The following SLIT1 variants were observed in gnomAD, a reference collection of about 807,000 sequenced individuals.
The protein encoded by SLIT1 is slit homolog 1 protein.
SLIT1 carries 66 observed loss-of-function variants against 186.1 expected under a neutral mutation model. The ratio of observed to expected loss-of-function variants is 0.35; its 90% confidence interval spans 0.29 to 0.44. SLIT1 has a LOEUF of 0.44. Among genes scored for constraint, SLIT1 ranks in the 20% least tolerant of loss-of-function variants. SLIT1 has a pLI of 1.00. For synonymous variants in SLIT1, 761 were observed against 833.8 expected, an observed-to-expected ratio of 0.91 and a Z score of 1.50; for missense variants, 1,638 against 2,037.4, an observed-to-expected ratio of 0.80 and a Z score of 3.77.
intron 1 of SLIT1, among the ~76,000 whole-genome samples, chr10:97,165,653 G>C (rs917521014): frequency 3.3e-5 from 5 of 152,152 alleles, no homozygotes; most frequent in Admixed American, 2.0e-4. Context: ...AGGCCGGAGA[G>C]AGCAAGCAGA....
At chr10:97,124,739 C>G (rs1849589589) in intron 4 of SLIT1, among the ~76,000 whole-genome samples, 1 of 152,170 alleles carries the variant, frequency 6.6e-6, no homozygotes, top group Non-Finnish European at 1.5e-5. Context: ...CCTAGTCCAG[C>G]CCTTGGACAG....
At chr10:97,072,858 TC>T (rs1012442785) in intron 4 of SLIT1, among the ~76,000 whole-genome samples, 13 of 152,282 alleles carry the variant, frequency 8.5e-5, no homozygotes, top group Middle Eastern at 3.4e-3. Context: ...GCTTCAGGTG[TC>T]CTATTTGTAA....
intron 4 of SLIT1, among the ~76,000 whole-genome samples, chr10:97,084,924 CTTTTT>C (rs34001660): frequency 2.4e-5 from 3 of 126,160 alleles, no homozygotes; most frequent in South Asian, 5.2e-4. Flanking sequence ...CTTTTCTTTC[CTTTTT>C]TTTTTTTTTT....
At chr10:97,179,803 C>A (rs1458348395) in intron 1 of SLIT1, among the ~76,000 whole-genome samples, 3 of 149,266 alleles carry the variant, frequency 2.0e-5, no homozygotes, top group East Asian at 4.0e-4. Flanking sequence ...CACACCCTCC[C>A]CGCCCCCCGG....
chr10:97,139,886 T>C (rs2817650), intron 4 of SLIT1, among the ~76,000 whole-genome samples: 132,645 of 152,198 alleles, frequency 0.87, 57,955 homozygotes, highest in East Asian at 0.98. Context: ...AAGGTGGGTG[T>C]CCTTGGGGGT....
rs1008833986 is a variant in SLIT1, at chr10:97,064,806, G to A, written c.556C>T (p.Leu186=). Residue 186 remains leucine, a splice_region_variant and synonymous_variant, in exon 6 of 37, where the codon CTG becomes TTG. Transcript: ENST00000266058. ...CTTCCTTTTCCATGCTTTACTTACAGCACCTCCAGCCCCCGCAGAGCACGG... is the reference window on the plus strand; with the variant it reads ...CTTCCTTTTCCATGCTTTACTTACAACACCTCCAGCCCCCGCAGAGCACGG... The part of the protein sequence containing the change: ...AFRALRGLEV[L]TLNNNNITTI... 6.2e-7 allele frequency: 1 copy of A among 1,606,146 alleles called. No individual in the cohort carries two copies. Among genetic ancestry groups the A allele is most frequent in the African/African-American group, 1.3e-5 (1 of 74,634 alleles).
chr10:97,017,057 C>A (rs1319445909), intron 28 of SLIT1, among the ~76,000 whole-genome samples: 1 of 152,154 alleles, frequency 6.6e-6, no homozygotes, highest in East Asian at 1.9e-4. Context: ...CGTGGAGGCA[C>A]CCCCTTTCCA....
In SLIT1 at chr10:97,173,724, G is replaced by T. The variant is rs554799833; in HGVS notation, c.198-8834C>A. Among the ~76,000 whole-genome samples the T allele has an allele frequency of 2.0e-5, 3 of 152,172 alleles. No homozygotes were observed. The South Asian group carries it at 6.2e-4, about 32-fold the overall frequency. On this transcript the variant is annotated intron_variant, in intron 1 of 36. Transcript: ENST00000266058. ...ATGTGAGGTTGATGGGGAAGGAGGG[G>T]GTCACAGAGGGATCCCTGAGCGCAG...
At chr10:97,168,460 T>C (rs1850147567) in intron 1 of SLIT1, among the ~76,000 whole-genome samples, 2 of 152,242 alleles carry the variant, frequency 1.3e-5, no homozygotes, top group African/African-American at 2.4e-5. Flanking sequence ...AGACTTACTA[T>C]GTGCAAAGCA....
At chr10:97,032,491 T>G (rs1224856281) in intron 23 of SLIT1, among the ~76,000 whole-genome samples, 1 of 151,032 alleles carries the variant, frequency 6.6e-6, no homozygotes, top group Non-Finnish European at 1.5e-5. Flanking sequence ...ATCACTTGAA[T>G]CTGGGAGGCA....
In SLIT1 at chr10:97,060,766, A is replaced by C; in HGVS notation, c.815T>G (p.Val272Gly). 1 of 1,609,266 alleles carries C rather than the reference A, an allele frequency of 6.2e-7. No individual in the cohort carries two copies. Among genetic ancestry groups the C allele is most frequent in the Non-Finnish European group, 8.5e-7 (1 of 1,177,858 alleles). Residue 272 changes from valine to glycine, a missense_variant, in exon 9 of 37, where the codon GTG becomes GGG. Physicochemically the swap from Val to Gly is moderately radical, Grantham distance 109 (BLOSUM62 -3). Transcript: ENST00000266058. Reference protein sequence around the residue: ...SCSGQGEAGRVPTCTLSSGSC... With the variant: ...SCSGQGEAGRGPTCTLSSGSC... ...GCCGGAGGACAGGGTGCAGGTGGGC[A>C]CGCGCCCCGCTTCTCCCTGGCCTGC...
In SLIT1 at chr10:97,156,217, G is replaced by A. The variant is rs191189415; in HGVS notation, c.413+1601C>T. 2.0e-3 allele frequency among the ~76,000 whole-genome samples: 299 copies of A among 152,288 alleles called. 9 individuals are homozygous for A. The highest frequency in any genetic ancestry group is 3.4e-3 in the Middle Eastern group (1 of 294). ...CTGTGGAGTGGTCTCCAGGCCAGGA[G>A]GAGGAAGCAACAGGAAGTGACCAGA... On this transcript the variant is annotated intron_variant, in intron 4 of 36. Transcript: ENST00000266058.
intron 1 of SLIT1, among the ~76,000 whole-genome samples, chr10:97,178,110 G>A (rs1451828380): frequency 6.6e-6 from 1 of 152,166 alleles, no homozygotes; most frequent in African/African-American, 2.4e-5. Flanking sequence ...AAACTCGGGG[G>A]ATGAAAGCTT....
At chr10:97,182,701 T>C (rs2134750104) in intron 1 of SLIT1, among the ~76,000 whole-genome samples, 1 of 152,158 alleles carries the variant, frequency 6.6e-6, no homozygotes, top group South Asian at 2.1e-4. Flanking sequence ...CTTCCCAACA[T>C]CTCTTTCCAG....
intron 1 of SLIT1, among the ~76,000 whole-genome samples, chr10:97,166,557 A>AGGAAGGAAGGAAGGAAGGAAAGAG (rs1283710320): frequency 3.6e-5 from 2 of 55,186 alleles, no homozygotes; most frequent in Non-Finnish European, 6.7e-5. Flanking sequence ...GAAGGAAGGA[A>AGGAAGGAAGGAAGGAAGGAAAGAG]AGAGAGAGAG....
At chr10:97,165,626 C>A (rs563195089) in intron 1 of SLIT1, among the ~76,000 whole-genome samples, 2 of 152,254 alleles carry the variant, frequency 1.3e-5, no homozygotes, top group Admixed American at 1.3e-4. Flanking sequence ...TGAGGGAAGG[C>A]AGGCCCAGAT....
intron 35 of SLIT1, 72 bp downstream of exon 35, chr10:97,002,632 G>T: frequency 1.4e-6 from 2 of 1,401,546 alleles, no homozygotes; most frequent in Non-Finnish European, 1.9e-6. Flanking sequence ...TTGGAAAACT[G>T]TGAGGCAGCC....
intron 30 of SLIT1, 86 bp downstream of exon 30, chr10:97,013,655 A>C (rs1173637246): frequency 1.1e-6 from 1 of 930,568 alleles, no homozygotes; most frequent in Non-Finnish European, 1.7e-6. Flanking sequence ...TGAGGGAATG[A>C]GGGTGGGGCA....
intron 4 of SLIT1, among the ~76,000 whole-genome samples, chr10:97,111,982 C>T (rs1419254213): frequency 6.6e-6 from 1 of 152,256 alleles, no homozygotes; most frequent in Non-Finnish European, 1.5e-5. Context: ...AGCAGAATGG[C>T]ATGTCCTGGC....
Sources: gnomAD v4.1 joint callset for allele counts (sites outside exome capture counted in the v4.1 genomes callset) on GRCh38, gnomAD v4.1.1 for gene constraint, MANE v1.5 for transcripts, NCBI Gene and HGNC (gene_info 2026-07-23, HGNC 2026-07-21) for gene names.